The following TMEM67 variants were observed in gnomAD, a reference collection of about 807,000 sequenced individuals.
TMEM67 encodes meckelin.
Under a neutral mutation model 136.6 loss-of-function variants are expected in TMEM67, and 124 were observed. The observed-to-expected ratio is 0.91, with a 90% CI of 0.78 to 1.05. The LOEUF is 1.05. Ranked by LOEUF, TMEM67 falls within the 50% of genes least tolerant of loss-of-function variation. TMEM67 has a pLI of 0.00. For synonymous variants in TMEM67, 364 were observed against 390.5 expected (o/e 0.93, Z 0.80); for missense variants, 1,107 against 1,178.4 (o/e 0.94, Z 0.89).
chr8:93,785,600 C>G, intron 12 of TMEM67: 1 of 499,828 alleles, frequency 2.0e-6, no homozygotes, highest in Admixed American at 3.7e-5. Flanking sequence ...TATACTGTTG[C>G]TGAGGGTATA....
chr8:93,768,723 G>A (rs577616980), intron 6 of TMEM67, among the ~76,000 whole-genome samples: 1 of 152,052 alleles, frequency 6.6e-6, no homozygotes, highest in Non-Finnish European at 1.5e-5. Context: ...TTCTCCAGGG[G>A]TGAGGAATCT....
rs562416346 is a variant in TMEM67 at position 93,805,630 on chromosome 8, A to G, written c.2439+752A>G. On this transcript the variant is annotated intron_variant, in intron 23 of 27. Transcript: ENST00000453321. ...TGCTAGGGACCAACTCACCCTGAACATTCATAAAGGGAAAGAATCTAATTT... is the reference window on the plus strand; with the variant it reads ...TGCTAGGGACCAACTCACCCTGAACGTTCATAAAGGGAAAGAATCTAATTT... 9.3e-4 allele frequency among the ~76,000 whole-genome samples: 141 copies of G among 152,144 alleles called. 1 individual carries two copies. Among genetic ancestry groups the G allele is most frequent in the African/African-American group, 3.0e-3 (126 of 41,524 alleles).
At chr8:93,829,431 G>C in the TMEM67 span, among the ~76,000 whole-genome samples, 4 of 151,118 alleles carry the variant, frequency 2.6e-5, no homozygotes, top group African/African-American at 9.8e-5. Flanking sequence ...CTAATCAGCC[G>C]TGTTCACTTC....
At chr8:93,763,679 A>T (rs571165863) in intron 3 of TMEM67, among the ~76,000 whole-genome samples, 163 bp from the exon 4 acceptor site, 25 of 152,298 alleles carry the variant, frequency 1.6e-4, no homozygotes, top group African/African-American at 6.0e-4. Context: ...ACTTCTCTAC[A>T]CTTTATTATG....
chr8:93,828,205 A>G, the TMEM67 span, among the ~76,000 whole-genome samples: 1 of 152,174 alleles, frequency 6.6e-6, no homozygotes, highest in African/African-American at 2.4e-5. Context: ...GTTCCATGTC[A>G]GGTGCCATAG....
chr8:93,791,299 G>A lies in TMEM67; in HGVS notation c.1555G>A (p.Glu519Lys). 1 of 1,605,406 alleles carries A rather than the reference G, an allele frequency of 6.2e-7. No homozygotes were observed. The highest frequency in any genetic ancestry group is 8.5e-7 in the Non-Finnish European group (1 of 1,172,626). The change falls in exon 15 of 28, where the codon GAA becomes AAA. Residue 519 changes from glutamate (E) to lysine (K), a missense_variant. Around this residue, in one of 3 missense-constraint regions of TMEM67, gnomAD observed 925 missense variants for 1,002.4 expected, o/e 0.92. Coordinates refer to ENST00000453321, the MANE Select transcript of TMEM67 (RefSeq NM_153704.6). ...AGTCACATATGAAATGGATCATGGA[G>A]AAGCACATGTCCAGACAGATGTAAG... ...FSVTYEMDHG[E>K]AHVQTDIALG...
intron 21 of TMEM67, among the ~76,000 whole-genome samples, chr8:93,802,513 A>G (rs1480022914): frequency 6.6e-6 from 1 of 152,192 alleles, no homozygotes; most frequent in Non-Finnish European, 1.5e-5. Flanking sequence ...CATTAGCTGG[A>G]TAGTAAAGCA....
chr8:93,770,155 A>C (rs181902603), intron 6 of TMEM67, among the ~76,000 whole-genome samples: 2 of 152,324 alleles, frequency 1.3e-5, no homozygotes, highest in African/African-American at 4.8e-5. Context: ...GACAATGACT[A>C]TGCCTATGTC....
chr8:93,797,154 G>T lies in TMEM67; in HGVS notation c.1881G>T (p.Lys627Asn). The part of the protein sequence containing the change: ...FALKALQFLH[K>N]LISQITIDVF... ...CTCAGGCACTACAATTTTTGCATAA[G>T]CTCATATCCCAGATTACAATAGATG... The change falls in exon 19 of 28, where the codon AAG becomes AAT. Residue 627 changes from lysine to asparagine, a missense_variant. Transcript: ENST00000453321. 1 of 1,610,566 alleles carries T rather than the reference G, an allele frequency of 6.2e-7. No individual in the cohort carries two copies. Among genetic ancestry groups the T allele is most frequent in the Non-Finnish European group, 8.5e-7 (1 of 1,177,224 alleles).
intron 15 of TMEM67, 28 bp downstream of exon 15, chr8:93,791,347 T>C (rs1814367371): frequency 5.7e-6 from 8 of 1,400,304 alleles, no homozygotes; most frequent in Non-Finnish European, 8.1e-6. Flanking sequence ...TTTTAAAATA[T>C]ATACAGTGTA....
chr8:93,791,182 C>A, intron 14 of TMEM67, 81 bp from the exon 15 acceptor site: 1 of 944,178 alleles, frequency 1.1e-6, no homozygotes, highest in Non-Finnish European at 1.7e-6. Context: ...TAAAACCCAG[C>A]TACAAATGTA....
At chr8:93,795,784 G>T (rs375919490) in intron 17 of TMEM67, 117 bp from the exon 18 acceptor site, 2 of 772,440 alleles carry the variant, frequency 2.6e-6, no homozygotes, top group African/African-American at 3.5e-5. Context: ...AGTCCTGCCC[G>T]GGCAGCATAC....
At chr8:93,772,680 AT>A (rs1488691099) in intron 7 of TMEM67, 29 bp downstream of exon 7, 1 of 1,564,778 alleles carries the variant, frequency 6.4e-7, no homozygotes, top group Non-Finnish European at 8.8e-7. Context: ...AATAAATTTC[AT>A]TTTATTTTGA....
chr8:93,822,461 CAA>C (rs1224558256), downstream of TMEM67, among the ~76,000 whole-genome samples: 1 of 152,224 alleles, frequency 6.6e-6, no homozygotes, highest in Non-Finnish European at 1.5e-5. Flanking sequence ...CAGGAAGACT[CAA>C]GTTTGTATTT....
chr8:93,793,231 T>C lies in TMEM67; in HGVS notation c.1609T>C (p.Leu537=), dbSNP rs1814464902. Residue 537 remains leucine (L), a synonymous_variant, in exon 16 of 28, where the codon TTA becomes CTA. Transcript: ENST00000453321. ...ALGVLGGLAV[L]ASLLKTAGWK... is the part of the protein sequence containing the mutation. ...GGGTGTATTGGGTGGGCTAGCTGTT[T>C]TAGCATCTCTTTTGAAGACAGCAGG... The C allele has an allele frequency of 6.2e-7, 1 of 1,614,188 alleles. No individual in the cohort carries two copies. The highest frequency in any genetic ancestry group is 8.5e-7 in the Non-Finnish European group (1 of 1,180,036).
Position 93,787,895 on chromosome 8 carries a change from C to T in TMEM67, c.1464C>T (p.Ile488=), listed in dbSNP as rs752177983. 2 of 1,614,080 alleles carry T rather than the reference C, an allele frequency of 1.2e-6. No homozygotes were observed. The highest frequency in any genetic ancestry group is 2.2e-5 in the South Asian group (2 of 91,080). The stretch of plus-strand genomic sequence containing the variant: ...ATGGAAACATCTACCCTCCCTTAAT[C>T]ACCATTGCCTACAGTGACATTGATA... The part of the protein sequence containing the change: ...TINGNIYPPL[I]TIAYSDIDIK... Residue 488 remains isoleucine (I), a synonymous_variant, in exon 14 of 28, where the codon ATC becomes ATT. Transcript: ENST00000453321.
At chr8:93,801,523 TC>T (rs753170298) in intron 21 of TMEM67, among the ~76,000 whole-genome samples, 7 of 151,960 alleles carry the variant, frequency 4.6e-5, no homozygotes, top group East Asian at 1.9e-4. Flanking sequence ...TGCCTCAGCC[TC>T]CCAAGAAGCT....
chr8:93,779,290 C>T (rs913428794), intron 7 of TMEM67, among the ~76,000 whole-genome samples: 23 of 152,132 alleles, frequency 1.5e-4, no homozygotes, highest in Non-Finnish European at 5.9e-5. Flanking sequence ...TTCCTTCCGA[C>T]GGGTTCGAAC....
chr8:93,785,201 A>G (rs1290052205), intron 11 of TMEM67, 21 bp from the exon 12 acceptor site: 6 of 1,462,528 alleles, frequency 4.1e-6, no homozygotes, highest in African/African-American at 1.4e-5. Flanking sequence ...ATGTGCTTTT[A>G]TTTTTAATTT....
Sources: allele counts gnomAD v4.1 joint callset (sites outside exome capture counted in the v4.1 genomes callset), GRCh38; gene constraint gnomAD v4.1.1; regional missense constraint gnomAD v4.1.1; transcripts MANE v1.5; gene names NCBI Gene and HGNC (gene_info 2026-07-23, HGNC 2026-07-21).